Variants in METTL9 observed in about 807,000 individuals in gnomAD.
METTL9 encodes protein-L-histidine N-pros-methyltransferase.
Under a neutral mutation model 36.0 loss-of-function variants are expected in METTL9, and 10 were observed. The observed-to-expected ratio is 0.28, with a 90% confidence interval of 0.17 to 0.47. The LOEUF is 0.47. METTL9 is among the 20% of genes least tolerant of loss of function. The probability of loss-of-function intolerance (pLI) is 0.99; values close to 1 mark genes in which losing one functional copy is unlikely to be tolerated. For synonymous variants in METTL9, 175 were observed against 149.7 expected, an observed-to-expected ratio of 1.17 and a Z score of -1.23; for missense variants, 246 against 383.5, an observed-to-expected ratio of 0.64 and a Z score of 3.00.
chr16:21,628,010 A>G (rs1363713069), intron 4 of METTL9, among the ~76,000 whole-genome samples: 1 of 152,184 alleles, frequency 6.6e-6, no homozygotes, highest in East Asian at 1.9e-4. Flanking sequence ...AATCTTGTTC[A>G]GGTTTCTTGA....
chr16:21,641,781 C>CT (rs916803715), intron 4 of METTL9, among the ~76,000 whole-genome samples: 222 of 146,980 alleles, frequency 1.5e-3, no homozygotes, highest in Middle Eastern at 3.5e-3. Context: ...CTGAAAAATA[C>CT]TTTTTTTTTT....
intron 4 of METTL9, chr16:21,639,678 CAT>C (rs1966196310): frequency 1.3e-5 from 2 of 152,190 alleles, no homozygotes; most frequent in Non-Finnish European, 2.9e-5. Flanking sequence ...ATACAAAACA[CAT>C]GTGGCCCCAC....
In METTL9 at chr16:21,648,475, C is replaced by T. The variant is rs115914423; in HGVS notation, c.752-6752C>T. Among the ~76,000 whole-genome samples, 274 of 152,340 alleles carry T rather than the reference C, an allele frequency of 1.8e-3. 2 individuals are homozygous for T. The highest frequency in any genetic ancestry group is 6.5e-3 in the African/African-American group (269 of 41,576). ...GCCACTGCTACTGTTCCCACAGTGT[C>T]AGATGGCTGTTGGAGAGATGGTTGT... On this transcript the variant is annotated intron_variant, in intron 4 of 4. Transcript: ENST00000358154.
intron 4 of METTL9, chr16:21,652,199 T>G (rs1480274688): frequency 2.1e-5 from 4 of 189,392 alleles, no homozygotes; most frequent in African/African-American, 9.3e-5. Context: ...AAATAATCAT[T>G]TATTGCTTTC....
At chr16:21,599,478 C>A, upstream of METTL9, 3 of 1,182,424 alleles carry the variant, frequency 2.5e-6, no homozygotes, top group South Asian at 3.4e-5. The surrounding 1 kb of genome is among the most constrained non-coding windows in gnomAD (Gnocchi z 4.4). Context: ...AGCGACGCGG[C>A]CGCTCGTAAG....
intron 4 of METTL9, chr16:21,626,937 A>G: frequency 1.0e-6 from 1 of 984,978 alleles, no homozygotes; most frequent in Non-Finnish European, 1.2e-6. Context: ...CTGATGCTAA[A>G]AATGGAGAGG....
chr16:21,603,457 A>C (rs1965191118), intron 1 of METTL9, among the ~76,000 whole-genome samples: 2 of 152,180 alleles, frequency 1.3e-5, no homozygotes, highest in Non-Finnish European at 2.9e-5. Flanking sequence ...CATATTCTTA[A>C]TCACAGGTTG....
rs1038888054 is a variant in METTL9 at position 21,611,305 on chromosome 16, A to G, written c.166-1340A>G. Reference sequence around the variant, plus strand: ...GTAACTAGTTCCTTTTAACGTTAGCATCAGGAATGTTACTTAAGATTTCAC... The same window carrying G: ...GTAACTAGTTCCTTTTAACGTTAGCGTCAGGAATGTTACTTAAGATTTCAC... On this transcript the variant is annotated intron_variant, in intron 1 of 4. Coordinates refer to ENST00000358154, the MANE Select transcript of METTL9 (RefSeq NM_016025.5). 7.9e-5 allele frequency among the ~76,000 whole-genome samples: 12 copies of G among 152,298 alleles called. 1 individual carries two copies. The highest frequency in any genetic ancestry group is 6.2e-4 in the South Asian group (3 of 4,830).
At chr16:21,609,437 T>C (rs1017623966) in intron 1 of METTL9, among the ~76,000 whole-genome samples, 10 of 152,200 alleles carry the variant, frequency 6.6e-5, no homozygotes, top group Admixed American at 4.6e-4. Flanking sequence ...TCAGAGATTG[T>C]AAATATTACC....
chr16:21,624,698 G>C (rs1965780159), intron 3 of METTL9, among the ~76,000 whole-genome samples: 1 of 151,390 alleles, frequency 6.6e-6, no homozygotes, highest in African/African-American at 2.4e-5. Context: ...CTGTACTCCA[G>C]CCTGGGCAAC....
intron 4 of METTL9, among the ~76,000 whole-genome samples, chr16:21,637,866 G>A (rs1000298197): frequency 1.3e-5 from 2 of 152,272 alleles, no homozygotes; most frequent in Admixed American, 6.5e-5. Flanking sequence ...CACCGAGGCC[G>A]AGGAGGCGCT....
Position 21,599,659 on chromosome 16 carries a change from T to C in METTL9, c.-75T>C. On this transcript the variant is annotated 5_prime_UTR_variant, in exon 1 of 5. Transcript: ENST00000358154. The surrounding 1 kb of genome is among the most constrained non-coding windows in gnomAD (Gnocchi z 4.4). ...GCTCGAGCTCGGGCGGTGGCGGCGGTGGCCGGAGGCGGCGGTGCCTCCTCC... is the reference window on the plus strand; with the variant it reads ...GCTCGAGCTCGGGCGGTGGCGGCGGCGGCCGGAGGCGGCGGTGCCTCCTCC... 1.5e-6 allele frequency: 2 copies of C among 1,349,438 alleles called. No individual in the cohort carries two copies. The highest frequency in any genetic ancestry group is 1.9e-6 in the Non-Finnish European group (2 of 1,059,934). The allele number at this position is 1,349,438 out of a possible 1,614,324, so 83.6% of individuals were successfully genotyped here.
chr16:21,603,890 T>C (rs1330825491), intron 1 of METTL9, among the ~76,000 whole-genome samples: 1 of 152,204 alleles, frequency 6.6e-6, no homozygotes, highest in Non-Finnish European at 1.5e-5. Flanking sequence ...ATTTTTTCAC[T>C]TTCTTATATA....
chr16:21,640,595 A>AC (rs1273282956), intron 4 of METTL9: 3 of 122,974 alleles, frequency 2.4e-5, no homozygotes, highest in African/African-American at 1.2e-4. Context: ...TACTAAAAAT[A>AC]CAAAAAAAAA....
At chr16:21,647,431 A>G in intron 4 of METTL9, 1 of 1,613,990 alleles carries the variant, frequency 6.2e-7, no homozygotes, top group Non-Finnish European at 8.5e-7. Flanking sequence ...CGGCCTCATG[A>G]GTGTAGTCCA....
At chr16:21,633,699 C>T (rs913282711) in intron 4 of METTL9, among the ~76,000 whole-genome samples, 1 of 152,216 alleles carries the variant, frequency 6.6e-6, no homozygotes, top group African/African-American at 2.4e-5. Flanking sequence ...CTAGTCTCCA[C>T]TGACCGTTCA....
intron 4 of METTL9, among the ~76,000 whole-genome samples, chr16:21,638,718 G>A (rs1966171072): frequency 6.6e-6 from 1 of 152,176 alleles, no homozygotes; most frequent in African/African-American, 2.4e-5. Context: ...AGTTAGGGAA[G>A]GTTTCATGTT....
intron 1 of METTL9, among the ~76,000 whole-genome samples, chr16:21,600,411 C>T (rs556626013): frequency 6.6e-6 from 1 of 152,198 alleles, no homozygotes; most frequent in South Asian, 2.1e-4. Flanking sequence ...CCATTGAACT[C>T]TCCAGGCTGA....
At chr16:21,602,819 A>C (rs540841524) in intron 1 of METTL9, among the ~76,000 whole-genome samples, 2 of 151,998 alleles carry the variant, frequency 1.3e-5, no homozygotes, top group Admixed American at 6.6e-5. Flanking sequence ...CACCACGCCC[A>C]GATAATTTTT....
Sources: allele counts gnomAD v4.1 joint callset (sites outside exome capture counted in the v4.1 genomes callset), GRCh38; gene constraint gnomAD v4.1.1; non-coding constraint Gnocchi (gnomAD v3.1); transcripts MANE v1.5; gene names NCBI Gene and HGNC (gene_info 2026-07-23, HGNC 2026-07-21).